ZDHHC14: variants seen among roughly 807,000 people sequenced by gnomAD.
The protein encoded by ZDHHC14 is zDHHC palmitoyltransferase 14.
ZDHHC14 carries 16 observed loss-of-function variants against 47.7 expected under a neutral mutation model. The ratio of observed to expected loss-of-function variants is 0.34; its 90% CI spans 0.23 to 0.51. ZDHHC14 has a LOEUF of 0.51. Ranked by LOEUF, ZDHHC14 falls within the 20% of genes least tolerant of loss-of-function variation. ZDHHC14 has a pLI of 0.97. For synonymous variants in ZDHHC14, 293 were observed against 278.9 expected (o/e 1.05, Z -0.50); for missense variants, 515 against 662.5 (o/e 0.78, Z 2.44).
At position 157,605,825 on chromosome 6, in the gene ZDHHC14, G is replaced by A. The variant is rs148894697; in HGVS notation, c.565+12679G>A. On this transcript the variant is annotated intron_variant, in intron 3 of 8. Transcript: ENST00000359775. Reference sequence around the variant, plus strand: ...ACAGCGGGTGGGGGGTAGGGGGCACGCAGGAGAGGAGAGGAGGATGAATCA... The same window carrying A: ...ACAGCGGGTGGGGGGTAGGGGGCACACAGGAGAGGAGAGGAGGATGAATCA... 4.9e-4 allele frequency among the ~76,000 whole-genome samples: 74 copies of A among 152,266 alleles called. 1 individual carries two copies. The East Asian group carries it at 0.014, about 29-fold the overall frequency.
chr6:157,530,857 A>G (rs1781336847), intron 1 of ZDHHC14, among the ~76,000 whole-genome samples: 1 of 152,136 alleles, frequency 6.6e-6, no homozygotes, highest in Non-Finnish European at 1.5e-5. Context: ...TATTGGTCCT[A>G]TATTATCTAA....
chr6:157,560,051 G>A (rs911806436), intron 2 of ZDHHC14, among the ~76,000 whole-genome samples: 1 of 152,172 alleles, frequency 6.6e-6, no homozygotes, highest in South Asian at 2.1e-4. Flanking sequence ...TACACTATAC[G>A]TCTATGATGA....
intron 1 of ZDHHC14, among the ~76,000 whole-genome samples, chr6:157,450,593 G>A (rs776576893): frequency 2.0e-5 from 3 of 150,242 alleles, no homozygotes; most frequent in East Asian, 2.0e-4. Context: ...CTTTGCAAAC[G>A]AAAAGGTCTG....
chr6:157,382,103 C>T lies in ZDHHC14; in HGVS notation c.82C>T (p.Pro28Ser), dbSNP rs1777224698. 6.2e-7 allele frequency: 1 copy of T among 1,612,380 alleles called. No individual in the cohort carries two copies. The highest frequency in any genetic ancestry group is 1.1e-5 in the South Asian group (1 of 90,886). The change falls in exon 1 of 9, where the codon CCC (proline) becomes TCC (serine). Residue 28 changes from proline to serine, a missense_variant. Transcript: ENST00000359775. Reference sequence around the variant, plus strand: ...CCACAGCTCCTCCCCCATGGAGTCGCCCCACAAGAAGAAGAAAATCGCGGC... The same window carrying T: ...CCACAGCTCCTCCCCCATGGAGTCGTCCCACAAGAAGAAGAAAATCGCGGC... Reference protein sequence around the residue: ...STHSSSPMESPHKKKKIAARR... With the variant: ...STHSSSPMESSHKKKKIAARR...
intron 7 of ZDHHC14, among the ~76,000 whole-genome samples, chr6:157,652,419 C>T (rs753748083): frequency 2.6e-4 from 40 of 152,272 alleles, no homozygotes; most frequent in South Asian, 2.1e-4. Context: ...GAAGATTCTG[C>T]GCTGTGGGTG....
chr6:157,555,085 C>T (rs1782403569), intron 2 of ZDHHC14, among the ~76,000 whole-genome samples: 2 of 152,200 alleles, frequency 1.3e-5, no homozygotes, highest in African/African-American at 2.4e-5. Context: ...TTCCAGGGCC[C>T]CTCTCTTTCC....
At chr6:157,588,606 C>A (rs17165442) in intron 2 of ZDHHC14, among the ~76,000 whole-genome samples, 53,563 of 152,104 alleles carry the variant, frequency 0.35, 9,624 homozygotes, top group East Asian at 0.57. Context: ...TCTCCAGATA[C>A]CCTGAGCTGT....
At chr6:157,451,000 G>GTA (rs747302213) in intron 1 of ZDHHC14, among the ~76,000 whole-genome samples, 2 of 103,318 alleles carry the variant, frequency 1.9e-5, no homozygotes, top group African/African-American at 6.9e-5. Context: ...GTCTGGTCTT[G>GTA]TGTGTGTGTG....
At chr6:157,613,205 CA>C (rs1784821819) in intron 3 of ZDHHC14, among the ~76,000 whole-genome samples, 1 of 152,184 alleles carries the variant, frequency 6.6e-6, no homozygotes. Flanking sequence ...TCGAATAAAA[CA>C]GTAGCTTTCA....
Position 157,430,675 on chromosome 6 carries a change from C to T in ZDHHC14, c.245+48409C>T, listed in dbSNP as rs1778321137. 2.6e-5 allele frequency among the ~76,000 whole-genome samples: 4 copies of T among 152,242 alleles called. No homozygotes were observed. In the South Asian group the frequency reaches 8.3e-4, roughly 32 times the overall value. On this transcript the variant is annotated intron_variant, in intron 1 of 8. Coordinates refer to ENST00000359775, the MANE Select transcript of ZDHHC14 (RefSeq NM_024630.3). The stretch of plus-strand genomic sequence containing the variant: ...TGTCAGCTGATGAGCAGTCTTGCTT[C>T]CGTCTGCAACGTGAATTCCCCTTTG...
chr6:157,477,898 T>A (rs1779530742), intron 1 of ZDHHC14, among the ~76,000 whole-genome samples: 1 of 152,254 alleles, frequency 6.6e-6, no homozygotes, highest in African/African-American at 2.4e-5. Context: ...TTGAGTTTTG[T>A]CATACTGTTG....
intron 1 of ZDHHC14, among the ~76,000 whole-genome samples, chr6:157,524,083 G>A (rs1781067932): frequency 6.6e-6 from 1 of 152,012 alleles, no homozygotes; most frequent in African/African-American, 2.4e-5. Flanking sequence ...TGGTTTATTT[G>A]TGTTCACTTT....
intron 1 of ZDHHC14, among the ~76,000 whole-genome samples, chr6:157,408,200 A>G (rs1183936707): frequency 6.6e-6 from 1 of 152,078 alleles, no homozygotes; most frequent in Non-Finnish European, 1.5e-5. Flanking sequence ...AGAAAAGCTT[A>G]TTTTTCTCTC....
At chr6:157,434,110 C>T (rs1390805894) in intron 1 of ZDHHC14, among the ~76,000 whole-genome samples, 1 of 152,050 alleles carries the variant, frequency 6.6e-6, no homozygotes, top group East Asian at 1.9e-4. Flanking sequence ...TCCAAGATTA[C>T]ATAACCGCCA....
At chr6:157,473,549 G>A (rs374385894) in intron 1 of ZDHHC14, among the ~76,000 whole-genome samples, 13 of 152,152 alleles carry the variant, frequency 8.5e-5, no homozygotes, top group Admixed American at 2.0e-4. Context: ...CAAAATGCAC[G>A]GGACTAGAAG....
chr6:157,586,937 A>C lies in ZDHHC14; in HGVS notation c.407-6051A>C, dbSNP rs1253540176. ...AGAGGTTCAATCTTTTAAAAAATGCACTTTGGAACTAAAGATCAATAGAGT... is the reference window on the plus strand; with the variant it reads ...AGAGGTTCAATCTTTTAAAAAATGCCCTTTGGAACTAAAGATCAATAGAGT... On this transcript the variant is annotated intron_variant, in intron 2 of 8. Coordinates refer to ENST00000359775, the MANE Select transcript of ZDHHC14 (RefSeq NM_024630.3). This position sits in a 1 kb window ranked among gnomAD's most constrained non-coding sequence, Gnocchi z 4.6. Among the ~76,000 whole-genome samples the C allele has an allele frequency of 2.0e-5, 3 of 152,354 alleles. No homozygotes were observed.
At chr6:157,651,142 G>T (rs667092) in intron 7 of ZDHHC14, among the ~76,000 whole-genome samples, 1 of 152,072 alleles carries the variant, frequency 6.6e-6, no homozygotes, top group African/African-American at 2.4e-5. Context: ...AAATGGGAGG[G>T]TTAAAACAAC....
At chr6:157,455,230 G>A (rs1252004525) in intron 1 of ZDHHC14, among the ~76,000 whole-genome samples, 4 of 152,242 alleles carry the variant, frequency 2.6e-5, no homozygotes, top group African/African-American at 9.6e-5. Flanking sequence ...TTTGTGATGA[G>A]CACCTGCTGC....
At chr6:157,554,598 C>T (rs1782380138) in intron 2 of ZDHHC14, among the ~76,000 whole-genome samples, 1 of 152,176 alleles carries the variant, frequency 6.6e-6, no homozygotes, top group African/African-American at 2.4e-5. Context: ...ACTAGGGGCT[C>T]CCAAACTGGA....
Sources: allele counts gnomAD v4.1 joint callset (sites outside exome capture counted in the v4.1 genomes callset), GRCh38; gene constraint gnomAD v4.1.1; non-coding constraint Gnocchi (gnomAD v3.1); transcripts MANE v1.5; gene names NCBI Gene and HGNC (gene_info 2026-07-23, HGNC 2026-07-21).